SMYD5: variants seen among roughly 807,000 people sequenced by gnomAD.
SMYD5 encodes the protein SMYD family member 5.
Under a neutral mutation model 57.4 loss-of-function variants are expected in SMYD5, and 35 were observed. The observed-to-expected ratio is 0.61, with a 90% confidence interval of 0.47 to 0.81. SMYD5 has a LOEUF of 0.81. SMYD5 is among the 30% of genes least tolerant of loss of function. The pLI, the probability that SMYD5 is intolerant of heterozygous loss-of-function variation, is 0.00. For missense variants in SMYD5, 471 were observed against 527.9 expected, an observed-to-expected ratio of 0.89 and a Z score of 1.06; for synonymous variants, 198 against 189.7, an observed-to-expected ratio of 1.04 and a Z score of -0.36.
intron 1 of SMYD5, among the ~76,000 whole-genome samples, chr2:73,215,998 T>C (rs1008539915): frequency 1.3e-5 from 2 of 152,236 alleles, no homozygotes; most frequent in Non-Finnish European, 2.9e-5. Context: ...ATTTATTCTT[T>C]AAAGGTTTGA....
At chr2:73,214,582 C>T (rs1398922440) in intron 1 of SMYD5, 3 of 1,501,038 alleles carry the variant, frequency 2.0e-6, no homozygotes, top group Non-Finnish European at 2.7e-6. Flanking sequence ...TGCGCATTTC[C>T]TCCCAGCGGA....
Position 73,221,180 on chromosome 2 carries a change from A to T in SMYD5, c.483A>T (p.Pro161=), listed in dbSNP as rs748884434. The T allele has an allele frequency of 1.2e-5, 20 of 1,613,886 alleles. No homozygotes were observed. The highest frequency in any genetic ancestry group is 1.5e-5 in the Non-Finnish European group (18 of 1,179,916). The change falls in exon 5 of 13, where the codon CCA becomes CCT. Residue 161 remains proline, a synonymous_variant. Coordinates refer to ENST00000389501, the MANE Select transcript of SMYD5 (RefSeq NM_006062.3). ...CTTTCCCCAGGAGTATTCACTACCC[A>T]CCTGAGACTGCAAGCATCATGTTGA... is the stretch of plus-strand genomic sequence containing the variant. The part of the protein sequence containing the change: ...LQEAWRSIHY[P]PETASIMLMA...
chr2:73,214,310 T>C lies in SMYD5; in HGVS notation c.44T>C (p.Val15Ala), dbSNP rs1686247786. 6.2e-7 allele frequency: 1 copy of C among 1,612,954 alleles called. No individual in the cohort carries two copies. The highest frequency in any genetic ancestry group is 8.5e-7 in the Non-Finnish European group (1 of 1,179,682). ...MCDVFSFCVG[V>A]AGRARVSVEV... ...GACGTGTTCTCCTTCTGCGTGGGCG[T>C]GGCGGGCCGCGCGCGGGTCTCCGTG... Residue 15 changes from valine to alanine, a missense_variant, in exon 1 of 13, where the codon GTG (valine) becomes GCG (alanine). Coordinates refer to ENST00000389501, the MANE Select transcript of SMYD5 (RefSeq NM_006062.3).
chr2:73,222,943 G>C, intron 7 of SMYD5, 93 bp from the exon 8 acceptor site: 1 of 1,480,356 alleles, frequency 6.8e-7, no homozygotes, highest in Non-Finnish European at 9.5e-7. Flanking sequence ...GTTCAGATGA[G>C]CCTGACTCAC....
intron 1 of SMYD5, 175 bp downstream of exon 1, chr2:73,214,537 G>A (rs527806707): frequency 1.4e-6 from 2 of 1,478,508 alleles, no homozygotes; most frequent in Non-Finnish European, 1.8e-6. Context: ...CTCGTGGCGC[G>A]GTCACGCGAT....
chr2:73,219,034 ATCCC>A, intron 2 of SMYD5, 65 bp downstream of exon 2: 1 of 1,165,464 alleles, frequency 8.6e-7, no homozygotes, highest in South Asian at 1.2e-5. Context: ...AGCTGCATAC[ATCCC>A]TACTGGCTGA....
rs768971544 is a variant in SMYD5, at chr2:73,221,870, T to C, written c.582T>C (p.Cys194=). Reference sequence around the variant, plus strand: ...GGATCAGACTCTTTTCCCAGTTTTGTAACAAAACAGCCAATGAAGAGGAGG... The same window carrying C: ...GGATCAGACTCTTTTCCCAGTTTTGCAACAAAACAGCCAATGAAGAGGAGG... ...DRWIRLFSQF[C]NKTANEEEEI... Residue 194 remains cysteine, a synonymous_variant, in exon 6 of 13, where the codon TGT becomes TGC. Transcript: ENST00000389501. 1 of 1,614,064 alleles carries C rather than the reference T, an allele frequency of 6.2e-7. No individual in the cohort carries two copies. Among genetic ancestry groups the C allele is most frequent in the African/African-American group, 1.3e-5 (1 of 75,038 alleles).
intron 4 of SMYD5, 122 bp from the exon 5 acceptor site, chr2:73,221,043 T>TG: frequency 1.0e-6 from 1 of 973,556 alleles, no homozygotes; most frequent in Non-Finnish European, 1.6e-6. Flanking sequence ...TCCTTGTCTA[T>TG]GACTTTCCTG....
At chr2:73,214,604 C>T (rs1686257313) in intron 1 of SMYD5, 2 of 1,507,726 alleles carry the variant, frequency 1.3e-6, no homozygotes, top group African/African-American at 1.4e-5. Flanking sequence ...TTCGGCCAGC[C>T]CGCGGGAGGC....
At chr2:73,224,982 C>A in intron 11 of SMYD5, 22 bp downstream of exon 11, 1 of 1,587,450 alleles carries the variant, frequency 6.3e-7, no homozygotes, top group South Asian at 1.1e-5. Flanking sequence ...CAGGAACCGT[C>A]GGGATGGGTG....
intron 1 of SMYD5, among the ~76,000 whole-genome samples, chr2:73,215,468 G>C (rs1016411423): frequency 6.6e-6 from 1 of 152,028 alleles, no homozygotes; most frequent in East Asian, 1.9e-4. Flanking sequence ...GAGGTATCTG[G>C]AGCAGTTTGC....
At position 73,218,958 on chromosome 2, in the gene SMYD5, A is replaced by G; in HGVS notation, c.194A>G (p.Tyr65Cys). 6.2e-7 allele frequency: 1 copy of G among 1,612,612 alleles called. No individual in the cohort carries two copies. Among genetic ancestry groups the G allele is most frequent in the Non-Finnish European group, 8.5e-7 (1 of 1,178,572 alleles). ...VAAQFLWNAL[Y>C]RYRACDHCLR... is the part of the protein sequence containing the mutation. Reference sequence around the variant, plus strand: ...GCACAGTTTCTCTGGAATGCACTTTATCGCTACCGAGGTGAGTACATCTCT... The same window carrying G: ...GCACAGTTTCTCTGGAATGCACTTTGTCGCTACCGAGGTGAGTACATCTCT... Residue 65 changes from tyrosine to cysteine, a missense_variant, in exon 2 of 13, where the codon TAT becomes TGT. Tyr to Cys is a radical substitution (Grantham distance 194). Transcript: ENST00000389501.
rs757879235 is a variant in SMYD5, at chr2:73,224,980, G to A, written c.1035+20G>A. The A allele has an allele frequency of 1.3e-5, 20 of 1,587,682 alleles. No homozygotes were observed. The highest frequency in any genetic ancestry group is 8.4e-5 in the Admixed American group (5 of 59,660). ...GGAGAGGTGAGGGGGACCAGGAACC[G>A]TCGGGATGGGTGGGCAGTAGGCCTT... On this transcript the variant is annotated intron_variant, in intron 11 of 12. Transcript: ENST00000389501.
chr2:73,214,688 C>G, intron 1 of SMYD5: 1 of 1,410,806 alleles, frequency 7.1e-7, no homozygotes, highest in Non-Finnish European at 9.4e-7. Context: ...GGGGATGTGC[C>G]GGGCAGAGAG....
chr2:73,215,680 T>G (rs1275442686), intron 1 of SMYD5, among the ~76,000 whole-genome samples: 1 of 152,158 alleles, frequency 6.6e-6, no homozygotes, highest in Non-Finnish European at 1.5e-5. Flanking sequence ...ATTTCTTCCC[T>G]CTCGCTTCTT....
rs1380539446 is a variant in SMYD5, at chr2:73,223,967, T to C, written c.904T>C (p.Cys302Arg). ...TACAGCAACTGGAGAGTTTCTTAAC[T>C]GTGAAGGATCTGGCCTCTTTGTGCT... The part of the protein sequence containing the change: ...IEAATGEFLN[C>R]EGSGLFVLQS... Residue 302 changes from cysteine to arginine, a missense_variant, in exon 10 of 13, where the codon TGT (cysteine) becomes CGT (arginine). Transcript: ENST00000389501. 4 of 1,614,154 alleles carry C rather than the reference T, an allele frequency of 2.5e-6. No homozygotes were observed. The highest frequency in any genetic ancestry group is 2.7e-5 in the African/African-American group (2 of 75,054).
intron 6 of SMYD5, 152 bp downstream of exon 6, chr2:73,222,082 C>G (rs1686408263): frequency 3.3e-6 from 2 of 614,270 alleles, no homozygotes; most frequent in African/African-American, 3.7e-5. Flanking sequence ...AGTTACATTC[C>G]TGCCACTGTT....
rs745664972 is a variant in SMYD5, at chr2:73,223,942, T to TA, written c.884-4dup. On this transcript the variant is annotated splice_region_variant and splice_polypyrimidine_tract_variant and intron_variant, in intron 9 of 12. Coordinates refer to ENST00000389501, the MANE Select transcript of SMYD5 (RefSeq NM_006062.3). Reference sequence around the variant, plus strand: ...GAATAATGTGTGTGTATTACTGTCTTACAGCAACTGGAGAGTTTCTTAACT... The same window carrying TA: ...GAATAATGTGTGTGTATTACTGTCTTAACAGCAACTGGAGAGTTTCTTAACT... 18 of 1,613,778 alleles carry TA rather than the reference T, an allele frequency of 1.1e-5. No individual in the cohort carries two copies. The highest frequency in any genetic ancestry group is 2.2e-5 in the East Asian group (1 of 44,886).
chr2:73,224,692 GT>G (rs1686464796), intron 10 of SMYD5, among the ~76,000 whole-genome samples, 173 bp from the exon 11 acceptor site: 2 of 152,336 alleles, frequency 1.3e-5, no homozygotes, highest in South Asian at 4.1e-4. Flanking sequence ...CATTTGTGCT[GT>G]GCTATATGGT....
Sources: gnomAD v4.1 joint callset for allele counts (sites outside exome capture counted in the v4.1 genomes callset) on GRCh38, gnomAD v4.1.1 for gene constraint, MANE v1.5 for transcripts, NCBI Gene and HGNC (gene_info 2026-07-23, HGNC 2026-07-21) for gene names.